VPS13B: variants seen among roughly 807,000 people sequenced by gnomAD.
VPS13B encodes the protein intermembrane lipid transfer protein VPS13B.
A neutral mutation model predicts 426.4 loss-of-function variants in VPS13B; 285 were observed. The ratio of observed to expected loss-of-function variants is 0.67; its 90% confidence interval spans 0.61 to 0.74. The LOEUF is 0.74. VPS13B is among the 30% of genes least tolerant of loss of function. VPS13B has a pLI of 0.00. For missense variants in VPS13B, 4,537 were observed against 4,782.6 expected, an observed-to-expected ratio of 0.95 and a Z score of 1.51; for synonymous variants, 1,676 against 1,676.4, an observed-to-expected ratio of 1.00 and a Z score of 0.01.
In VPS13B at chr8:99,823,885, G is replaced by T; in HGVS notation, c.9237G>T (p.Gln3079His). ...SMVQQGIQIIQIEDKTTIINN... is the reference protein window; with the variant it reads ...SMVQQGIQIIHIEDKTTIINN... ...TACAGCAAGGTATACAAATTATTCA[G>T]ATTGAAGACAAGACTACAATAATCA... is the stretch of plus-strand genomic sequence containing the variant. The change falls in exon 51 of 62, where the codon CAG becomes CAT. Residue 3079 changes from glutamine (Q) to histidine (H), a missense_variant. By Grantham distance (24) the Gln-to-His change is conservative. Coordinates refer to ENST00000357162, the MANE Select transcript of VPS13B (RefSeq NM_152564.5). 1 of 1,613,494 alleles carries T rather than the reference G, an allele frequency of 6.2e-7. No individual in the cohort carries two copies. The highest frequency in any genetic ancestry group is 8.5e-7 in the Non-Finnish European group (1 of 1,179,724).
intron 30 of VPS13B, among the ~76,000 whole-genome samples, 163 bp downstream of exon 30, chr8:99,521,173 T>A (rs1466556221): frequency 6.6e-6 from 1 of 152,200 alleles, no homozygotes; most frequent in Non-Finnish European, 1.5e-5. Context: ...GTTTTTTAAT[T>A]CATTCAGACA....
intron 3 of VPS13B, among the ~76,000 whole-genome samples, chr8:99,068,351 T>G (rs1587992130): frequency 6.6e-6 from 1 of 152,350 alleles, no homozygotes; most frequent in East Asian, 1.9e-4. Context: ...TACAAAGCAT[T>G]TATAAGTTGT....
chr8:99,562,549 GGGATTACCAGTGTGA>G (rs1212343613), intron 31 of VPS13B, among the ~76,000 whole-genome samples: 8 of 152,184 alleles, frequency 5.3e-5, no homozygotes, highest in African/African-American at 1.9e-4. Context: ...CCAAAGTTCT[GGGATTACCAGTGTGA>G]GCCACCGCAC....
intron 17 of VPS13B, among the ~76,000 whole-genome samples, chr8:99,203,930 C>A (rs193120577): frequency 9.9e-4 from 151 of 152,308 alleles, no homozygotes; most frequent in African/African-American, 2.9e-3. Flanking sequence ...AATGGCCATA[C>A]TGCCCAAAAT....
intron 25 of VPS13B, among the ~76,000 whole-genome samples, chr8:99,484,925 A>G (rs1679952058): frequency 6.6e-6 from 1 of 152,086 alleles, no homozygotes; most frequent in Non-Finnish European, 1.5e-5. Context: ...GCTAATGTAA[A>G]TCTCCTTCAT....
chr8:99,246,482 A>T (rs750813093), intron 17 of VPS13B, among the ~76,000 whole-genome samples: 1 of 152,214 alleles, frequency 6.6e-6, no homozygotes, highest in Non-Finnish European at 1.5e-5. Flanking sequence ...TTGTGCTACA[A>T]CACCAGAGTT....
At chr8:99,553,563 T>A (rs978176711) in intron 30 of VPS13B, among the ~76,000 whole-genome samples, 1 of 152,070 alleles carries the variant, frequency 6.6e-6, no homozygotes, top group Non-Finnish European at 1.5e-5. Context: ...GTTTTTCAAT[T>A]ACACATATAT....
At chr8:99,670,927 T>G (rs1830690012) in intron 35 of VPS13B, among the ~76,000 whole-genome samples, 1 of 152,156 alleles carries the variant, frequency 6.6e-6, no homozygotes, top group South Asian at 2.1e-4. Context: ...TATTATGAAT[T>G]GTGCTGCAGT....
chr8:99,791,351 T>C (rs1026514754), intron 43 of VPS13B, among the ~76,000 whole-genome samples: 2 of 152,098 alleles, frequency 1.3e-5, no homozygotes, highest in Admixed American at 6.5e-5. Context: ...AATTGCTGGT[T>C]TTCACAAACA....
chr8:99,049,107 T>G (rs191584457), intron 3 of VPS13B, among the ~76,000 whole-genome samples: 10 of 152,346 alleles, frequency 6.6e-5, no homozygotes, highest in Admixed American at 4.6e-4. Context: ...ATTCTATCCA[T>G]TCTGCAATTC....
intron 39 of VPS13B, among the ~76,000 whole-genome samples, chr8:99,751,833 A>G (rs1286524371): frequency 6.6e-6 from 1 of 152,208 alleles, no homozygotes; most frequent in Non-Finnish European, 1.5e-5. Flanking sequence ...TACCTACAAC[A>G]GAGTGTCTGC....
rs146055140 is a variant in VPS13B, at chr8:99,557,138, T to C, written c.4949+485T>C. Among the ~76,000 whole-genome samples, 4 of 152,208 alleles carry C rather than the reference T, an allele frequency of 2.6e-5. No homozygotes were observed. In the East Asian group the frequency reaches 7.7e-4, roughly 29 times the overall value. On this transcript the variant is annotated intron_variant, in intron 31 of 61. Coordinates refer to ENST00000357162, the MANE Select transcript of VPS13B (RefSeq NM_152564.5). ...AAAGCAACTATGTTGATAGATCTTT[T>C]TAAATTTTTTTTATTTCAATAGTTT...
intron 36 of VPS13B, among the ~76,000 whole-genome samples, chr8:99,710,508 G>GA (rs34655724): frequency 3.9e-5 from 6 of 151,932 alleles, no homozygotes; most frequent in Non-Finnish European, 5.9e-5. Flanking sequence ...TGTTTCCTGG[G>GA]AAAAAAAGAA....
chr8:99,388,556 T>C (rs1055886985), intron 20 of VPS13B, among the ~76,000 whole-genome samples: 1 of 152,284 alleles, frequency 6.6e-6, no homozygotes, highest in Admixed American at 6.5e-5. Flanking sequence ...TGAGAAGAGC[T>C]ACAGTACCAG....
chr8:99,822,989 G>T (rs1814465785), intron 50 of VPS13B, among the ~76,000 whole-genome samples: 1 of 152,094 alleles, frequency 6.6e-6, no homozygotes, highest in African/African-American at 2.4e-5. Flanking sequence ...ATCCCCTGTG[G>T]GTCCCCAGAC....
chr8:99,361,750 A>G (rs573315422), intron 19 of VPS13B, among the ~76,000 whole-genome samples: 2 of 152,306 alleles, frequency 1.3e-5, no homozygotes, highest in South Asian at 4.1e-4. Context: ...TGATGCCTGT[A>G]TAGGAAAGCT....
intron 54 of VPS13B, among the ~76,000 whole-genome samples, chr8:99,845,091 C>CT (rs1283835818): frequency 2.6e-5 from 4 of 152,184 alleles, no homozygotes; most frequent in Non-Finnish European, 4.4e-5. Context: ...ATTTTTATAG[C>CT]TTTCAATATC....
At chr8:99,483,363 G>C (rs1292867829) in intron 25 of VPS13B, among the ~76,000 whole-genome samples, 1 of 152,056 alleles carries the variant, frequency 6.6e-6, no homozygotes, top group Non-Finnish European at 1.5e-5. Context: ...CGTTTCTAGA[G>C]TAAAAGCAGT....
At chr8:99,520,404 TGTGTG>T (rs1394056576) in intron 29 of VPS13B, among the ~76,000 whole-genome samples, 1 of 151,310 alleles carries the variant, frequency 6.6e-6, no homozygotes, top group African/African-American at 2.4e-5. Context: ...TGTGTGTGTG[TGTGTG>T]TGTGTGTGTG....
Sources: allele counts gnomAD v4.1 joint callset (sites outside exome capture counted in the v4.1 genomes callset), GRCh38; gene constraint gnomAD v4.1.1; transcripts MANE v1.5; gene names NCBI Gene and HGNC (gene_info 2026-07-23, HGNC 2026-07-21).